Variants in OPCML observed in about 807,000 individuals in gnomAD.
The protein encoded by OPCML is opioid binding protein/cell adhesion molecule like.
Under a neutral mutation model 37.8 loss-of-function variants are expected in OPCML, and 13 were observed. The ratio of observed to expected loss-of-function variants is 0.34; its 90% CI spans 0.22 to 0.55. The LOEUF is 0.55. Among genes scored for constraint, OPCML ranks in the 20% least tolerant of loss-of-function variants. The pLI, the probability that OPCML is intolerant of heterozygous loss-of-function variation, is 0.91. For synonymous variants in OPCML, 176 were observed against 168.8 expected, an observed-to-expected ratio of 1.04 and a Z score of -0.33; for missense variants, 341 against 435.6, an observed-to-expected ratio of 0.78 and a Z score of 1.93.
intron 1 of OPCML, among the ~76,000 whole-genome samples, chr11:133,453,228 C>T (rs1946612820): frequency 6.6e-6 from 1 of 152,140 alleles, no homozygotes; most frequent in Admixed American, 6.5e-5. Context: ...CCCATGAAGC[C>T]TATCAAAAAT....
intron 2 of OPCML, among the ~76,000 whole-genome samples, chr11:132,841,219 G>A (rs117142692): frequency 0.024 from 3,586 of 152,290 alleles, 55 homozygotes; most frequent in Middle Eastern, 0.051. Context: ...CCCACAACCC[G>A]AAGTGCCGCA....
At chr11:132,647,906 T>C (rs992336986) in intron 3 of OPCML, among the ~76,000 whole-genome samples, 2 of 152,210 alleles carry the variant, frequency 1.3e-5, no homozygotes, top group African/African-American at 4.8e-5. Flanking sequence ...TCTATGCCTA[T>C]AGAGGAGAAA....
In OPCML at chr11:133,307,838, CTT is replaced by C. The variant is rs759590736; in HGVS notation, c.61+224424_61+224425del. Among the ~76,000 whole-genome samples the C allele has an allele frequency of 1.5e-3, 227 of 151,804 alleles. 5 individuals are homozygous for C. Among genetic ancestry groups the C allele is most frequent in the Middle Eastern group, 0.01 (3 of 292 alleles). On this transcript the variant is annotated intron_variant, in intron 1 of 7. Transcript: ENST00000524381. ...GCAACCAATCTTATTTATGCTTTCT[CTT>C]GTTTCCAAGTTTTTTTTTTTTAAAT...
chr11:133,371,745 A>G (rs768445200), intron 1 of OPCML, among the ~76,000 whole-genome samples: 1 of 152,252 alleles, frequency 6.6e-6, no homozygotes, highest in Non-Finnish European at 1.5e-5. Flanking sequence ...AGTATCAGGT[A>G]TTCTTTATGG....
chr11:132,969,423 T>G (rs1326448391), intron 1 of OPCML, among the ~76,000 whole-genome samples: 1 of 152,202 alleles, frequency 6.6e-6, no homozygotes, highest in African/African-American at 2.4e-5. Context: ...ACATTTATCC[T>G]GCTTGGAGTT....
intron 1 of OPCML, among the ~76,000 whole-genome samples, chr11:133,106,247 T>C (rs760627048): frequency 3.0e-4 from 45 of 152,372 alleles, no homozygotes; most frequent in Non-Finnish European, 5.1e-4. Context: ...AGAAGTTTTA[T>C]GGACTGTGCA....
chr11:132,733,814 T>C (rs1565818542), intron 2 of OPCML, among the ~76,000 whole-genome samples: 1 of 152,074 alleles, frequency 6.6e-6, no homozygotes, highest in African/African-American at 2.4e-5. Flanking sequence ...CCCACGGAGA[T>C]GCTGACAGAT....
intron 1 of OPCML, among the ~76,000 whole-genome samples, chr11:133,380,861 G>T (rs1244538666): frequency 6.6e-6 from 1 of 152,130 alleles, no homozygotes; most frequent in Non-Finnish European, 1.5e-5. Flanking sequence ...ATCATTTCCA[G>T]GACAGGAGTG....
At chr11:132,994,400 G>GGGCT (rs910641521) in intron 1 of OPCML, among the ~76,000 whole-genome samples, 16 of 152,332 alleles carry the variant, frequency 1.1e-4, no homozygotes, top group South Asian at 2.1e-4. Context: ...GAAGAGGGAA[G>GGGCT]GGCTGGGGAA....
chr11:132,718,871 T>G (rs1405061949), intron 2 of OPCML, among the ~76,000 whole-genome samples: 1 of 152,112 alleles, frequency 6.6e-6, no homozygotes, highest in Non-Finnish European at 1.5e-5. Flanking sequence ...TTTACAAATT[T>G]TATCAACAGA....
chr11:133,253,830 A>ATTCCCTTTCCTTCCC (rs1941227250), intron 1 of OPCML, among the ~76,000 whole-genome samples: 1 of 71,866 alleles, frequency 1.4e-5, no homozygotes, highest in African/African-American at 5.5e-5. Flanking sequence ...CTTCCCTTCC[A>ATTCCCTTTCCTTCCC]TTCCCTTCCC....
chr11:132,963,856 C>G (rs949571564), intron 1 of OPCML, among the ~76,000 whole-genome samples: 1 of 152,092 alleles, frequency 6.6e-6, no homozygotes, highest in Non-Finnish European at 1.5e-5. Flanking sequence ...CCTAGCTGCA[C>G]GTTAGGGTCG....
chr11:133,362,805 T>C (rs934606412), intron 1 of OPCML, among the ~76,000 whole-genome samples: 1 of 151,746 alleles, frequency 6.6e-6, no homozygotes, highest in African/African-American at 2.4e-5. Context: ...ATCAACACTG[T>C]CCCACGTCCT....
intron 1 of OPCML, among the ~76,000 whole-genome samples, chr11:133,357,098 G>GTGCTCCTAGAACCAGCTCAGAC (rs1179974293): frequency 6.6e-6 from 1 of 152,202 alleles, no homozygotes; most frequent in Non-Finnish European, 1.5e-5. Flanking sequence ...ACTTCTCGCA[G>GTGCTCCTAGAACCAGCTCAGAC]TGCTCCTAGA....
intron 4 of OPCML, among the ~76,000 whole-genome samples, chr11:132,449,763 G>C (rs1032765527): frequency 6.6e-5 from 10 of 152,282 alleles, no homozygotes; most frequent in African/African-American, 2.4e-4. Flanking sequence ...CCCTGAGCAG[G>C]CCACTTTACT....
chr11:133,466,755 G>A (rs75620006), intron 1 of OPCML, among the ~76,000 whole-genome samples: 2,358 of 152,236 alleles, frequency 0.015, 57 homozygotes, highest in Admixed American at 0.061. Flanking sequence ...TTAGTAACTT[G>A]AGTGACAAGA....
intron 1 of OPCML, among the ~76,000 whole-genome samples, chr11:133,134,458 C>T (rs781740975): frequency 1.3e-5 from 2 of 151,782 alleles, no homozygotes; most frequent in Non-Finnish European, 3.0e-5. Flanking sequence ...TTCGGAAAGG[C>T]CTTCCTCAGA....
chr11:133,058,087 A>G (rs991058429), intron 1 of OPCML, among the ~76,000 whole-genome samples: 20 of 152,342 alleles, frequency 1.3e-4, no homozygotes, highest in African/African-American at 2.2e-4. Flanking sequence ...GCTTGTTTAC[A>G]TTTGTAAAGC....
intron 2 of OPCML, among the ~76,000 whole-genome samples, chr11:132,923,889 G>A (rs1448286069): frequency 2.0e-5 from 3 of 147,086 alleles, no homozygotes; most frequent in Non-Finnish European, 3.0e-5. Context: ...TCAGCCTCCC[G>A]ACTAGCTAGG....
Sources: gnomAD v4.1 joint callset for allele counts (sites outside exome capture counted in the v4.1 genomes callset) on GRCh38, gnomAD v4.1.1 for gene constraint, MANE v1.5 for transcripts, NCBI Gene and HGNC (gene_info 2026-07-23, HGNC 2026-07-21) for gene names.